ANKRD18A: variants seen among roughly 807,000 people sequenced by gnomAD.
ANKRD18A encodes the protein ankyrin repeat domain-containing protein 18A.
ANKRD18A carries 72 observed loss-of-function variants against 110.6 expected under a neutral mutation model. That is an observed-to-expected ratio of 0.65 (90% CI 0.54 to 0.79). ANKRD18A has a LOEUF of 0.79. Among genes scored for constraint, ANKRD18A ranks in the 30% least tolerant of loss-of-function variants. The pLI is 0.00. For missense variants in ANKRD18A, 934 were observed against 1,163.3 expected (o/e 0.80, Z 2.87); for synonymous variants, 305 against 410.3 (o/e 0.74, Z 3.10).
chr9:38,620,325 C>G lies in ANKRD18A; in HGVS notation c.-40G>C. On this transcript the variant is annotated 5_prime_UTR_variant, in exon 1 of 16. Coordinates refer to ENST00000399703, the MANE Select transcript of ANKRD18A (RefSeq NM_147195.4). ...AGACGCCCACCACCCGCTCCTGAGC[C>G]GCGGCGGCTCCTCGTGGCCTTTCCA... is the stretch of plus-strand genomic sequence containing the variant. 1 of 1,531,096 alleles carries G rather than the reference C, an allele frequency of 6.5e-7. No individual in the cohort carries two copies. The highest frequency in any genetic ancestry group is 1.2e-5 in the South Asian group (1 of 82,562). The allele number at this position is 1,531,096 out of a possible 1,614,324, so 94.8% of individuals were successfully genotyped here.
chr9:38,575,496 A>G lies in ANKRD18A; in HGVS notation c.2944T>C (p.Cys982Arg). Residue 982 changes from cysteine to arginine, a missense_variant, in exon 15 of 16, where the codon TGC becomes CGC. Around this residue, in one of 4 missense-constraint regions of ANKRD18A, gnomAD observed 223 missense variants for 226.7 expected, o/e 0.98. Transcript: ENST00000399703. ...CTAACCTCAGTCAAGAAGTTCTTGC[A>G]GTTATTTGAAGTCTGTGGGTTTGAA... ...PTSNPQTSNN[C>R]KNFLTEVLLC 4.5e-6 allele frequency: 7 copies of G among 1,551,386 alleles called. No homozygotes were observed. Among genetic ancestry groups the G allele is most frequent in the Non-Finnish European group, 6.1e-6 (7 of 1,146,786 alleles).
At chr9:38,609,848 T>C (rs1276410104) in intron 5 of ANKRD18A, among the ~76,000 whole-genome samples, 1 of 150,040 alleles carries the variant, frequency 6.7e-6, no homozygotes, top group Non-Finnish European at 1.5e-5. Context: ...ATTAGAAAAG[T>C]CAGGCCAGGC....
chr9:38,611,485 C>T (rs1240602785), intron 3 of ANKRD18A, among the ~76,000 whole-genome samples, 164 bp from the exon 4 acceptor site: 1 of 152,198 alleles, frequency 6.6e-6, no homozygotes, highest in Non-Finnish European at 1.5e-5. Flanking sequence ...CCACACACTG[C>T]CTTGAAACAC....
chr9:38,575,726 A>G (rs1261083871), intron 14 of ANKRD18A, 28 bp from the exon 15 acceptor site: 1 of 1,515,722 alleles, frequency 6.6e-7, no homozygotes, highest in African/African-American at 1.4e-5. Context: ...ACAAATGCTT[A>G]GTATTTCATT....
Position 38,577,199 on chromosome 9 carries a change from C to G in ANKRD18A, c.2595G>C (p.Lys865Asn), listed in dbSNP as rs556870853. The G allele has an allele frequency of 6.1e-5, 94 of 1,547,196 alleles. No homozygotes were observed. The South Asian group carries it at 1.1e-3, about 18-fold the overall frequency. Residue 865 changes from lysine to asparagine, a missense_variant, in exon 14 of 16, where the codon AAG becomes AAC. Physicochemically the swap from Lys to Asn is moderately conservative, Grantham distance 94. Around this residue, in one of 4 missense-constraint regions of ANKRD18A, gnomAD observed 223 missense variants for 226.7 expected, o/e 0.98. Transcript: ENST00000399703. ...LNKDNTASLKKKELTLKDVEC... is the reference protein window; with the variant it reads ...LNKDNTASLKNKELTLKDVEC... ...CCACATCTTTAAGTGTGAGTTCCTT[C>G]TTTTTTAGTGAAGCCGTATTATCCT... is the stretch of plus-strand genomic sequence containing the variant.
At position 38,581,602 on chromosome 9, in the gene ANKRD18A, A is replaced by G. The variant is rs374575171; in HGVS notation, c.2248-3454T>C. The stretch of plus-strand genomic sequence containing the variant: ...AGGAGAAAATTATGGAATGACTTTT[A>G]CTCTTCACAGAAGTAAAATAAACAC... On this transcript the variant is annotated intron_variant, in intron 12 of 15. Transcript: ENST00000399703. Among the ~76,000 whole-genome samples, 40 of 152,288 alleles carry G rather than the reference A, an allele frequency of 2.6e-4. No individual in the cohort carries two copies. The East Asian group carries it at 7.1e-3, about 27-fold the overall frequency.
intron 6 of ANKRD18A, 39 bp from the exon 7 acceptor site, chr9:38,603,251 A>G (rs1825208678): frequency 6.4e-7 from 1 of 1,550,496 alleles, no homozygotes; most frequent in Non-Finnish European, 8.7e-7. Context: ...TCCTTCTGGA[A>G]AACATCATCC....
intron 4 of ANKRD18A, among the ~76,000 whole-genome samples, chr9:38,610,945 AC>A (rs1182870314): frequency 6.6e-6 from 1 of 151,230 alleles, no homozygotes; most frequent in African/African-American, 2.4e-5. Context: ...TAAAATACAA[AC>A]CCCCTTTAGC....
chr9:38,598,745 T>C (rs1824995475), intron 8 of ANKRD18A, among the ~76,000 whole-genome samples: 1 of 152,214 alleles, frequency 6.6e-6, no homozygotes, highest in African/African-American at 2.4e-5. Flanking sequence ...TGAAACACAC[T>C]TGCCAAACAC....
chr9:38,611,224 T>C lies in ANKRD18A; in HGVS notation c.593A>G (p.Asn198Ser). ...KNQANIHAVD[N>S]FKRTALILAV... ...ACAAAAACTATTGCACCTTTTGAAA[T>C]TGTCAACGGCATGTATATTTGCCTG... is the stretch of plus-strand genomic sequence containing the variant. Residue 198 changes from asparagine (N) to serine (S), a missense_variant, in exon 4 of 16, where the codon AAT (asparagine) becomes AGT (serine). By Grantham distance (46) the Asn-to-Ser change is conservative. Coordinates refer to ENST00000399703, the MANE Select transcript of ANKRD18A (RefSeq NM_147195.4). 1 of 1,522,824 alleles carries C rather than the reference T, an allele frequency of 6.6e-7. No homozygotes were observed. Among genetic ancestry groups the C allele is most frequent in the South Asian group, 1.3e-5 (1 of 78,278 alleles). 94.3% of individuals were successfully genotyped at this position (1,522,824 alleles called of 1,614,324 possible).
intron 1 of ANKRD18A, among the ~76,000 whole-genome samples, chr9:38,617,258 A>G (rs1408138898): frequency 1.3e-5 from 2 of 152,062 alleles, no homozygotes; most frequent in Non-Finnish European, 2.9e-5. Context: ...TGGCCAACAT[A>G]GTGAAACTCT....
At position 38,615,606 on chromosome 9, in the gene ANKRD18A, T is replaced by C; in HGVS notation, c.483A>G (p.Glu161=). The C allele has an allele frequency of 6.2e-7, 1 of 1,604,592 alleles. No individual in the cohort carries two copies. Among genetic ancestry groups the C allele is most frequent in the Non-Finnish European group, 8.5e-7 (1 of 1,176,170 alleles). The part of the protein sequence containing the change: ...ERLLSHHANI[E]ALNKEGNTPL... ...GATTGATCTGTACCTTGTTTAGTGCTTCAATATTTGCATGGTGGGAAAGCA... is the reference window on the plus strand; with the variant it reads ...GATTGATCTGTACCTTGTTTAGTGCCTCAATATTTGCATGGTGGGAAAGCA... The change falls in exon 3 of 16, where the codon GAA becomes GAG. Residue 161 remains glutamate, a synonymous_variant. Transcript: ENST00000399703.
At chr9:38,610,707 T>G (rs1478527649) in intron 4 of ANKRD18A, among the ~76,000 whole-genome samples, 1 of 152,184 alleles carries the variant, frequency 6.6e-6, no homozygotes, top group African/African-American at 2.4e-5. Context: ...TGAGGTCACT[T>G]ATCTAAAGTG....
chr9:38,611,416 C>A, intron 3 of ANKRD18A, 95 bp from the exon 4 acceptor site: 3 of 1,493,132 alleles, frequency 2.0e-6, no homozygotes, highest in East Asian at 2.5e-5. Context: ...CTTAAACATG[C>A]AATATAGAGA....
intron 8 of ANKRD18A, among the ~76,000 whole-genome samples, chr9:38,596,760 C>T (rs548809769): frequency 4.1e-4 from 63 of 152,260 alleles, no homozygotes; most frequent in Non-Finnish European, 7.4e-4. Context: ...TGCATTTATA[C>T]TCTGATATCT....
At chr9:38,604,214 C>T (rs1825254732) in intron 6 of ANKRD18A, 1 of 151,352 alleles carries the variant, frequency 6.6e-6, no homozygotes, top group South Asian at 2.1e-4. Flanking sequence ...AGGAGAATTG[C>T]TTGAACCTGG....
intron 5 of ANKRD18A, among the ~76,000 whole-genome samples, chr9:38,609,764 AAGGCATAGG>A (rs1415733164): frequency 6.6e-6 from 1 of 151,982 alleles, no homozygotes; most frequent in Non-Finnish European, 1.5e-5. Flanking sequence ...TCAAAGGAGG[AAGGCATAGG>A]AGGTAGCCCT....
At chr9:38,616,083 A>G (rs563304206) in intron 1 of ANKRD18A, 39 bp from the exon 2 acceptor site, 503 of 1,457,986 alleles carry the variant, frequency 3.4e-4, no homozygotes, top group Non-Finnish European at 4.4e-4. Context: ...ATGTAGTGCA[A>G]TATCTCAAAA....
At chr9:38,597,456 T>C (rs556384918) in intron 8 of ANKRD18A, among the ~76,000 whole-genome samples, 4 of 152,210 alleles carry the variant, frequency 2.6e-5, no homozygotes, top group African/African-American at 9.6e-5. Flanking sequence ...CAGAAGTTTG[T>C]AGCTGGAAGA....
Sources: allele counts gnomAD v4.1 joint callset (sites outside exome capture counted in the v4.1 genomes callset), GRCh38; gene constraint gnomAD v4.1.1; regional missense constraint gnomAD v4.1.1; transcripts MANE v1.5; gene names NCBI Gene and HGNC (gene_info 2026-07-23, HGNC 2026-07-21).